Variants in SCMH1 observed in about 807,000 individuals in gnomAD.
SCMH1 encodes polycomb protein SCMH1.
Under a neutral mutation model 70.8 loss-of-function variants are expected in SCMH1, and 37 were observed. The observed-to-expected ratio is 0.52, with a 90% CI of 0.40 to 0.69. SCMH1 has a LOEUF of 0.69. Among genes scored for constraint, SCMH1 ranks in the 30% least tolerant of loss-of-function variants. The pLI is 0.00. For missense variants in SCMH1, 607 were observed against 827.3 expected, an observed-to-expected ratio of 0.73 and a Z score of 3.27; for synonymous variants, 292 against 307.4, an observed-to-expected ratio of 0.95 and a Z score of 0.52.
intron 2 of SCMH1, among the ~76,000 whole-genome samples, chr1:41,180,548 C>A (rs1648443276): frequency 6.6e-6 from 1 of 152,060 alleles, no homozygotes; most frequent in Non-Finnish European, 1.5e-5. Context: ...TCTTATACAC[C>A]AATAACAGAC....
chr1:41,210,972 G>C (rs1656874977), intron 1 of SCMH1, among the ~76,000 whole-genome samples: 1 of 152,032 alleles, frequency 6.6e-6, no homozygotes, highest in Non-Finnish European at 1.5e-5. Context: ...ACCATGCCCA[G>C]CTAATGTTTG....
At chr1:41,208,699 T>C (rs1041411781) in intron 1 of SCMH1, among the ~76,000 whole-genome samples, 39 of 152,062 alleles carry the variant, frequency 2.6e-4, no homozygotes, top group African/African-American at 9.2e-4. Flanking sequence ...AGAAACAACA[T>C]ACCAGAATCT....
chr1:41,093,305 T>C lies in SCMH1; in HGVS notation c.746-17854A>G, dbSNP rs571059685. On this transcript the variant is annotated intron_variant, in intron 8 of 14. Coordinates refer to ENST00000337495, the Ensembl canonical transcript of SCMH1. ...ACTAAACACCGCATGTTCTCACTCA[T>C]AGATGGGAATTCAACAATGAGATCA... Among the ~76,000 whole-genome samples the C allele has an allele frequency of 2.1e-5, 3 of 143,092 alleles. No homozygotes were observed. In the East Asian group the frequency reaches 6.3e-4, roughly 30 times the overall value. The allele number at this position is 143,092 out of a possible 152,430, so 93.9% of individuals were successfully genotyped here. A position where few individuals can be genotyped will look rare whatever the true frequency, so the allele number is the denominator to read the frequency against.
At chr1:41,053,535 T>A (rs1033313588) in intron 10 of SCMH1, among the ~76,000 whole-genome samples, 1 of 152,206 alleles carries the variant, frequency 6.6e-6, no homozygotes, top group East Asian at 1.9e-4. Flanking sequence ...TGAAAGTGGA[T>A]CCTTCAGTCC....
exon 7 of SCMH1, chr1:41,117,003 C>A (rs750380210): frequency 6.2e-7 from 1 of 1,603,744 alleles, no homozygotes; most frequent in Non-Finnish European, 8.5e-7. Context: ...ACGCATTCAG[C>A]CGAAATCCTG....
At chr1:41,187,476 A>C (rs200864102) in intron 1 of SCMH1, among the ~76,000 whole-genome samples, 3 of 138,386 alleles carry the variant, frequency 2.2e-5, no homozygotes, top group Non-Finnish European at 4.8e-5. Context: ...AAAAAAAAAA[A>C]CCCCAAAAAA....
intron 6 of SCMH1, among the ~76,000 whole-genome samples, chr1:41,142,459 A>G (rs986193919): frequency 2.6e-5 from 4 of 152,220 alleles, no homozygotes; most frequent in Admixed American, 6.5e-5. Context: ...CCAGGTGAGA[A>G]TTAGTGAGAA....
At chr1:41,065,934 C>T (rs944619826) in intron 10 of SCMH1, among the ~76,000 whole-genome samples, 2 of 152,176 alleles carry the variant, frequency 1.3e-5, no homozygotes, top group Non-Finnish European at 2.9e-5. Flanking sequence ...CCCAGCAGAA[C>T]CTTGCACCCT....
chr1:41,076,926 G>A (rs1037352869), intron 8 of SCMH1, among the ~76,000 whole-genome samples: 8 of 152,164 alleles, frequency 5.3e-5, no homozygotes, highest in Non-Finnish European at 8.8e-5. Flanking sequence ...TTGAGCAGGG[G>A]AGGGACAAGA....
At chr1:41,080,756 AAG>A (rs1468952353) in intron 8 of SCMH1, among the ~76,000 whole-genome samples, 1 of 152,128 alleles carries the variant, frequency 6.6e-6, no homozygotes, top group African/African-American at 2.4e-5. Context: ...CTAGGAATAA[AAG>A]AGAATTTCCT....
At chr1:41,088,255 G>A (rs959575499) in intron 8 of SCMH1, among the ~76,000 whole-genome samples, 1 of 152,154 alleles carries the variant, frequency 6.6e-6, no homozygotes, top group African/African-American at 2.4e-5. Context: ...AGAAAATAGT[G>A]AAAGTGATTG....
intron 8 of SCMH1, among the ~76,000 whole-genome samples, chr1:41,092,850 G>A (rs1034637402): frequency 3.2e-4 from 48 of 152,118 alleles, no homozygotes; most frequent in African/African-American, 1.0e-3. Context: ...TTAGAATGGC[G>A]ATCATTAAAA....
chr1:41,230,090 A>G lies in SCMH1; in HGVS notation c.-118+11969T>C, dbSNP rs77078036. ...TAGTCTCCATATCATGTAGACCACAAGGGAAAATATCATTTGTATATCCAA... is the reference window on the plus strand; with the variant it reads ...TAGTCTCCATATCATGTAGACCACAGGGGAAAATATCATTTGTATATCCAA... On this transcript the variant is annotated intron_variant, in intron 1 of 14. Transcript: ENST00000337495. 6.2e-3 allele frequency among the ~76,000 whole-genome samples: 803 copies of G among 129,890 alleles called. 24 individuals are homozygous for G. Among genetic ancestry groups the G allele is most frequent in the Admixed American group, 0.048 (579 of 12,102 alleles). The allele number at this position is 129,890 out of a possible 152,430, so 85.2% of individuals were successfully genotyped here.
At chr1:41,123,515 A>C (rs999986032) in intron 6 of SCMH1, among the ~76,000 whole-genome samples, 7 of 152,358 alleles carry the variant, frequency 4.6e-5, no homozygotes, top group Admixed American at 2.0e-4. Context: ...ACATTAAAGA[A>C]TACATCAGAT....
chr1:41,121,973 C>T (rs574032597), intron 6 of SCMH1, among the ~76,000 whole-genome samples: 1 of 152,266 alleles, frequency 6.6e-6, no homozygotes, highest in Admixed American at 6.5e-5. Flanking sequence ...TAGATCGACC[C>T]ACATTTCACC....
intron 6 of SCMH1, among the ~76,000 whole-genome samples, chr1:41,120,368 TG>T (rs1410156566): frequency 8.5e-5 from 13 of 152,158 alleles, no homozygotes; most frequent in Admixed American, 5.2e-4. Flanking sequence ...TGAAATAACA[TG>T]GGCAGGCACT....
chr1:41,207,645 C>A (rs1320525150), intron 1 of SCMH1, among the ~76,000 whole-genome samples: 1 of 152,172 alleles, frequency 6.6e-6, no homozygotes, highest in Non-Finnish European at 1.5e-5. Flanking sequence ...GACAGGTTAA[C>A]AAGGATATCC....
intron 7 of SCMH1, 77 bp downstream of exon 7, chr1:41,116,845 A>T: frequency 1.7e-6 from 2 of 1,173,362 alleles, no homozygotes; most frequent in Non-Finnish European, 2.4e-6. Flanking sequence ...TTCAGGCCAT[A>T]AGTAAATGTG....
At chr1:41,067,118 C>T (rs1251209549) in intron 10 of SCMH1, among the ~76,000 whole-genome samples, 1 of 151,966 alleles carries the variant, frequency 6.6e-6, no homozygotes, top group Non-Finnish European at 1.5e-5. Flanking sequence ...TGTGAAACAT[C>T]TGGACAATGA....
Sources: allele counts gnomAD v4.1 joint callset (sites outside exome capture counted in the v4.1 genomes callset), GRCh38; gene constraint gnomAD v4.1.1; transcripts MANE v1.5; gene names NCBI Gene and HGNC (gene_info 2026-07-23, HGNC 2026-07-21).